DCLRE1C: variants seen among roughly 807,000 people sequenced by gnomAD.
DCLRE1C encodes DNA cross-link repair 1C, also known as protein artemis.
DCLRE1C carries 47 observed loss-of-function variants against 61.4 expected under a neutral mutation model. The ratio of observed to expected loss-of-function variants is 0.77; its 90% CI spans 0.61 to 0.98. DCLRE1C has a LOEUF of 0.98. DCLRE1C is among the 50% of genes least tolerant of loss of function. The probability of loss-of-function intolerance (pLI) is 0.00; values close to 1 mark genes in which losing one functional copy is unlikely to be tolerated. For synonymous variants in DCLRE1C, 337 were observed against 287.6 expected, an observed-to-expected ratio of 1.17 and a Z score of -1.74; for missense variants, 858 against 816.0, an observed-to-expected ratio of 1.05 and a Z score of -0.63.
At position 14,908,230 on chromosome 10, in the gene DCLRE1C, G is replaced by A. The variant is rs1039546442; in HGVS notation, c.*178C>T. On this transcript the variant is annotated 3_prime_UTR_variant, in exon 14 of 14. Coordinates refer to ENST00000378278, the MANE Select transcript of DCLRE1C (RefSeq NM_001033855.3). ...TCACTGTGTTGGCCAGGCTGGTGTC[G>A]AACTCCTGGGCTCAAGCCATTGCCC... The A allele has an allele frequency of 7.4e-5, 40 of 537,858 alleles. No individual in the cohort carries two copies. Among genetic ancestry groups the A allele is most frequent in the South Asian group, 3.1e-4 (15 of 48,078 alleles). 33.3% of individuals were successfully genotyped at this position (537,858 alleles called of 1,614,324 possible).
chr10:14,936,395 G>C, intron 5 of DCLRE1C, 143 bp downstream of exon 5: 4 of 484,448 alleles, frequency 8.3e-6, no homozygotes, highest in South Asian at 2.7e-5. Flanking sequence ...CAATCCTCCC[G>C]CGTCAGCCTC....
At position 14,930,007 on chromosome 10, in the gene DCLRE1C, G is replaced by A. The variant is rs955391101; in HGVS notation, c.781-1855C>T. ...GAATTACTAACTAAGCTACTTTGTG[G>A]GATGTGAGAAAATTCACAGCAAAAA... On this transcript the variant is annotated intron_variant, in intron 9 of 13. Transcript: ENST00000378278. 6.6e-5 allele frequency among the ~76,000 whole-genome samples: 10 copies of A among 152,330 alleles called. No individual in the cohort carries two copies. In the East Asian group the frequency reaches 1.5e-3, roughly 23 times the overall value.
At chr10:14,912,741 G>A (rs2131816820) in intron 13 of DCLRE1C, among the ~76,000 whole-genome samples, 1 of 152,288 alleles carries the variant, frequency 6.6e-6, no homozygotes, top group East Asian at 1.9e-4. Context: ...CCACACTGGA[G>A]TGCAGTGGTG....
intron 4 of DCLRE1C, among the ~76,000 whole-genome samples, chr10:14,938,840 C>T (rs550609966): frequency 3.8e-4 from 58 of 152,198 alleles, no homozygotes; most frequent in African/African-American, 1.3e-3. Flanking sequence ...ATATCAACAC[C>T]AGGGTTCCCA....
intron 3 of DCLRE1C, among the ~76,000 whole-genome samples, chr10:14,942,842 G>C (rs905761625): frequency 6.6e-6 from 1 of 152,084 alleles, no homozygotes; most frequent in Admixed American, 6.6e-5. Flanking sequence ...AGAGCAAACA[G>C]AAGCCCGGCA....
upstream of DCLRE1C, chr10:14,954,338 C>G: frequency 2.3e-6 from 1 of 431,080 alleles, no homozygotes; most frequent in Non-Finnish European, 4.3e-6. Context: ...GAGGTGCAGT[C>G]GCGGGAAGGG....
intron 11 of DCLRE1C, among the ~76,000 whole-genome samples, chr10:14,926,104 T>G (rs1005239789): frequency 6.6e-6 from 1 of 152,196 alleles, no homozygotes; most frequent in Non-Finnish European, 1.5e-5. Context: ...TATGAGTCAA[T>G]TAAACCTCTT....
intron 13 of DCLRE1C, among the ~76,000 whole-genome samples, chr10:14,915,565 T>TA (rs1332427084): frequency 6.6e-6 from 1 of 151,646 alleles, no homozygotes; most frequent in Non-Finnish European, 1.5e-5. Context: ...AGATTCAAGT[T>TA]ACCAAAGTTA....
rs376612807 is a variant in DCLRE1C, at chr10:14,934,754, T to C, written c.486A>G (p.Val162=). The part of the protein sequence containing the change: ...SGGRVKDIQS[V]YLDTTFCDPR... ...GATCACAGAACGTAGTATCCAAATA[T>C]ACACTTTGGATGTCTTTGACTCTGA... Residue 162 remains valine, a synonymous_variant, in exon 7 of 14, where the codon GTA becomes GTG. Transcript: ENST00000378278. 6.2e-6 allele frequency: 10 copies of C among 1,613,068 alleles called. No homozygotes were observed. In the African/African-American group the frequency reaches 6.7e-5, roughly 11 times the overall value.
At position 14,907,598 on chromosome 10, in the gene DCLRE1C, G is replaced by A. The variant is rs573363873; in HGVS notation, c.*810C>T. On this transcript the variant is annotated 3_prime_UTR_variant, in exon 14 of 14. Coordinates refer to ENST00000378278, the MANE Select transcript of DCLRE1C (RefSeq NM_001033855.3). Reference sequence around the variant, plus strand: ...TTTTGGAGCTGTTAGGTGCATATACGTTTAGGATTATTTTGTCTTCTTGGT... The same window carrying A: ...TTTTGGAGCTGTTAGGTGCATATACATTTAGGATTATTTTGTCTTCTTGGT... Among the ~76,000 whole-genome samples, 6 of 152,146 alleles carry A rather than the reference G, an allele frequency of 3.9e-5. No homozygotes were observed. The highest frequency in any genetic ancestry group is 3.4e-3 in the Middle Eastern group (1 of 294).
At chr10:14,924,464 C>G (rs963831592) in intron 11 of DCLRE1C, among the ~76,000 whole-genome samples, 1 of 152,130 alleles carries the variant, frequency 6.6e-6, no homozygotes, top group African/African-American at 2.4e-5. Context: ...GTCAAGTTAC[C>G]TAATGTCTCT....
intron 13 of DCLRE1C, among the ~76,000 whole-genome samples, chr10:14,909,598 T>C (rs1386996524): frequency 2.1e-5 from 3 of 144,606 alleles, no homozygotes; most frequent in African/African-American, 7.8e-5. Flanking sequence ...ATGCAAAACT[T>C]CAAAAAAAGA....
At position 14,940,285 on chromosome 10, in the gene DCLRE1C, C is replaced by CTTTTTTT. The variant is rs1467655165; in HGVS notation, c.247-417_247-416insAAAAAAA. On this transcript the variant is annotated intron_variant, in intron 3 of 13. Transcript: ENST00000378278. ...TGACATGGATGCTTCATACACGGTT[C>CTTTTTTT]TTTTATTTTTTTTTTTTTTCTCAGA... Among the ~76,000 whole-genome samples, 5 of 103,222 alleles carry CTTTTTTT rather than the reference C, an allele frequency of 4.8e-5. 2 individuals carry two copies. Among genetic ancestry groups the CTTTTTTT allele is most frequent in the Non-Finnish European group, 4.0e-5 (2 of 49,732 alleles). 67.7% of individuals were successfully genotyped at this position (103,222 alleles called of 152,430 possible). A position where few individuals can be genotyped will look rare whatever the true frequency, so the allele number is the denominator to read the frequency against.
intron 4 of DCLRE1C, among the ~76,000 whole-genome samples, chr10:14,938,714 A>C (rs1429585469): frequency 1.3e-5 from 2 of 152,226 alleles, no homozygotes; most frequent in African/African-American, 4.8e-5. Context: ...CCTTTTCTGA[A>C]TAAGGGTTCA....
intron 2 of DCLRE1C, among the ~76,000 whole-genome samples, chr10:14,946,355 A>G (rs899863606): frequency 2.6e-5 from 4 of 152,160 alleles, no homozygotes. Flanking sequence ...GGTTAGGAAT[A>G]TAGTCTACGG....
intron 11 of DCLRE1C, among the ~76,000 whole-genome samples, chr10:14,925,713 G>C (rs1261449222): frequency 6.6e-6 from 1 of 152,116 alleles, no homozygotes; most frequent in Non-Finnish European, 1.5e-5. Context: ...CCGTGCTTAG[G>C]AACACTCGAT....
At chr10:14,899,060 A>G (rs993426794) in exon 14 of DCLRE1C, 33 of 594,936 alleles carry the variant, frequency 5.5e-5, no homozygotes, top group Admixed American at 2.3e-4. Context: ...AACCAGTTAC[A>G]GTTAATCCCA....
chr10:14,934,831 C>CT (rs1393898938), intron 6 of DCLRE1C, 56 bp from the exon 7 acceptor site: 15 of 1,398,100 alleles, frequency 1.1e-5, no homozygotes, highest in Non-Finnish European at 1.4e-5. Flanking sequence ...TTATGTGTAA[C>CT]TTTTTTTGTT....
chr10:14,928,493 A>G (rs1194578388), intron 9 of DCLRE1C, among the ~76,000 whole-genome samples: 1 of 152,228 alleles, frequency 6.6e-6, no homozygotes, highest in Non-Finnish European at 1.5e-5. Context: ...CTATTCTACA[A>G]GCTATAAAGG....
Sources: gnomAD v4.1 joint callset for allele counts (sites outside exome capture counted in the v4.1 genomes callset) on GRCh38, gnomAD v4.1.1 for gene constraint, MANE v1.5 for transcripts, NCBI Gene and HGNC (gene_info 2026-07-23, HGNC 2026-07-21) for gene names.